INPP4B: variants seen among roughly 807,000 people sequenced by gnomAD.
INPP4B encodes inositol polyphosphate-4-phosphatase type II B.
Under a neutral mutation model 122.5 loss-of-function variants are expected in INPP4B, and 55 were observed. The observed-to-expected ratio is 0.45, with a 90% CI of 0.36 to 0.56. The LOEUF (loss-of-function observed/expected upper bound fraction) is 0.56. Among genes scored for constraint, INPP4B ranks in the 20% least tolerant of loss-of-function variants. The pLI, the probability that INPP4B is intolerant of heterozygous loss-of-function variation, is 0.00. For synonymous variants in INPP4B, 403 were observed against 388.7 expected (o/e 1.04, Z -0.43); for missense variants, 1,000 against 1,097.7 (o/e 0.91, Z 1.26).
chr4:142,792,664 G>T (rs1408754998), intron 1 of INPP4B, among the ~76,000 whole-genome samples: 1 of 151,940 alleles, frequency 6.6e-6, no homozygotes, highest in African/African-American at 2.4e-5. Flanking sequence ...TTTTAGAGTG[G>T]AAAATGTCCT....
intron 21 of INPP4B, among the ~76,000 whole-genome samples, chr4:142,117,993 C>T (rs1010834995): frequency 2.0e-5 from 3 of 152,084 alleles, no homozygotes; most frequent in Admixed American, 2.0e-4. Context: ...TTACTATACA[C>T]CAATAACAGA....
chr4:142,245,996 A>ACG lies in INPP4B; in HGVS notation c.689-7986_689-7985insCG, dbSNP rs1728286977. 3.7e-5 allele frequency among the ~76,000 whole-genome samples: 5 copies of ACG among 136,334 alleles called. 1 individual carries two copies. The highest frequency in any genetic ancestry group is 1.4e-4 in the African/African-American group (5 of 36,124). The allele number at this position is 136,334 out of a possible 152,430, so 89.4% of individuals were successfully genotyped here. A position where few individuals can be genotyped will look rare whatever the true frequency, so the allele number is the denominator to read the frequency against. ...CACATGTGTGTATGTATACATATAT[A>ACG]TGTGTATGTATACACACATGTGTGT... On this transcript the variant is annotated intron_variant, in intron 11 of 25. Transcript: ENST00000262992.
intron 7 of INPP4B, among the ~76,000 whole-genome samples, chr4:142,399,982 A>T (rs1052284124): frequency 4.6e-5 from 7 of 152,164 alleles, no homozygotes; most frequent in Non-Finnish European, 1.0e-4. Context: ...CTCATTTGTT[A>T]TGATGATTAA....
At chr4:142,834,651 A>C (rs1264093803) in intron 1 of INPP4B, among the ~76,000 whole-genome samples, 3 of 152,184 alleles carry the variant, frequency 2.0e-5, no homozygotes, top group Non-Finnish European at 4.4e-5. Context: ...CAGAAAATAC[A>C]TGTCTGTGTA....
At chr4:142,212,378 C>T (rs1210102697) in intron 12 of INPP4B, among the ~76,000 whole-genome samples, 1 of 152,192 alleles carries the variant, frequency 6.6e-6, no homozygotes, top group Non-Finnish European at 1.5e-5. Context: ...ACTCTACCAG[C>T]ATTTCAGCTG....
chr4:142,647,007 G>A (rs1436741808), intron 2 of INPP4B, among the ~76,000 whole-genome samples: 1 of 152,176 alleles, frequency 6.6e-6, no homozygotes, highest in Admixed American at 6.5e-5. Flanking sequence ...ACTGAGGACT[G>A]TAATTATAAC....
chr4:142,442,648 C>A (rs1271596100), intron 3 of INPP4B, among the ~76,000 whole-genome samples: 1 of 152,044 alleles, frequency 6.6e-6, no homozygotes, highest in Non-Finnish European at 1.5e-5. Flanking sequence ...TGCATGAAAT[C>A]ATAAGTTTTC....
chr4:142,554,573 G>T (rs1402166577), intron 2 of INPP4B, among the ~76,000 whole-genome samples: 1 of 151,964 alleles, frequency 6.6e-6, no homozygotes, highest in South Asian at 2.1e-4. Flanking sequence ...ATTTGTTTTC[G>T]CTTCCCTTTC....
At chr4:142,104,917 T>C (rs1324365751) in intron 23 of INPP4B, among the ~76,000 whole-genome samples, 1 of 152,204 alleles carries the variant, frequency 6.6e-6, no homozygotes, top group African/African-American at 2.4e-5. Context: ...TATTTTTATT[T>C]TTTTCAAATA....
At chr4:142,359,669 T>C (rs1784775444) in intron 7 of INPP4B, among the ~76,000 whole-genome samples, 1 of 151,944 alleles carries the variant, frequency 6.6e-6, no homozygotes, top group African/African-American at 2.4e-5. Flanking sequence ...TACTTTCCTC[T>C]CCTTTTTTGC....
chr4:142,399,676 C>T (rs559816168), intron 7 of INPP4B, among the ~76,000 whole-genome samples: 8 of 152,254 alleles, frequency 5.3e-5, no homozygotes, highest in African/African-American at 7.2e-5. Flanking sequence ...CTTTACTATA[C>T]GAACTAGGGT....
intron 23 of INPP4B, among the ~76,000 whole-genome samples, chr4:142,095,103 C>A (rs1160943441): frequency 1.3e-5 from 2 of 152,142 alleles, no homozygotes; most frequent in Non-Finnish European, 2.9e-5. Context: ...TATTTTCCGA[C>A]CCACTTGATA....
chr4:142,474,965 C>T lies in INPP4B; in HGVS notation c.-190-12239G>A, dbSNP rs573326889. On this transcript the variant is annotated intron_variant, in intron 2 of 25. Coordinates refer to ENST00000262992, the MANE Select transcript of INPP4B (RefSeq NM_001101669.3). ...CCACCTGTCATAGCCAGATAGGCCA[C>T]ACCTGCTAGAGTTTCTAGACCAGCA... 9.6e-4 allele frequency among the ~76,000 whole-genome samples: 146 copies of T among 152,354 alleles called. 2 individuals carry two copies. The highest frequency in any genetic ancestry group is 3.3e-3 in the African/African-American group (137 of 41,606).
At chr4:142,298,448 AG>A (rs1759798346) in intron 9 of INPP4B, among the ~76,000 whole-genome samples, 1 of 149,514 alleles carries the variant, frequency 6.7e-6, no homozygotes, top group African/African-American at 2.5e-5. Flanking sequence ...GCACTTTGGG[AG>A]GCCGAGTTGG....
chr4:142,285,514 G>GAAGGGAGGTGACATC (rs1554026939), intron 9 of INPP4B, among the ~76,000 whole-genome samples: 8 of 151,924 alleles, frequency 5.3e-5, no homozygotes, highest in South Asian at 2.1e-4. Flanking sequence ...GGTATACCAT[G>GAAGGGAGGTGACATC]TCTGAGGCCA....
In INPP4B at chr4:142,403,190, G is replaced by A. The variant is rs1802218027; in HGVS notation, c.256-136C>T. ...GAAATAGTTCTATTAGAAGAGATCT[G>A]AATTGTCAAATCCTGCTCTTGGGCA... is the stretch of plus-strand genomic sequence containing the variant. On this transcript the variant is annotated intron_variant, in intron 6 of 25. Coordinates refer to ENST00000262992, the MANE Select transcript of INPP4B (RefSeq NM_001101669.3). 5.4e-5 allele frequency: 35 copies of A among 649,438 alleles called. No homozygotes were observed. The South Asian group carries it at 6.3e-4, about 12-fold the overall frequency. The allele number at this position is 649,438 out of a possible 1,614,324, so 40.2% of individuals were successfully genotyped here.
intron 12 of INPP4B, among the ~76,000 whole-genome samples, chr4:142,227,424 C>T (rs1053213293): frequency 5.3e-5 from 8 of 151,988 alleles, no homozygotes; most frequent in Admixed American, 5.2e-4. Flanking sequence ...GCCCTTTTAA[C>T]TTCTGACAGT....
At chr4:142,705,592 A>C (rs752005846) in intron 2 of INPP4B, among the ~76,000 whole-genome samples, 1 of 151,958 alleles carries the variant, frequency 6.6e-6, no homozygotes, top group Non-Finnish European at 1.5e-5. Flanking sequence ...GGGAAGCTGC[A>C]GTTGGGGTGA....
chr4:142,395,420 T>C (rs1799050338), intron 7 of INPP4B, among the ~76,000 whole-genome samples: 2 of 152,208 alleles, frequency 1.3e-5, no homozygotes, highest in African/African-American at 4.8e-5. Context: ...AAAATAATAG[T>C]TTTTGTTTAA....
Sources: allele counts gnomAD v4.1 joint callset (sites outside exome capture counted in the v4.1 genomes callset), GRCh38; gene constraint gnomAD v4.1.1; transcripts MANE v1.5; gene names NCBI Gene and HGNC (gene_info 2026-07-23, HGNC 2026-07-21).